The following QPCTL variants were observed in gnomAD, a reference collection of about 807,000 sequenced individuals.
QPCTL encodes glutaminyl-peptide cyclotransferase-like protein.
In QPCTL, 31 loss-of-function variants were observed where a neutral mutation model predicts 34.6. The observed-to-expected ratio is 0.90, with a 90% CI of 0.67 to 1.21. The LOEUF is 1.21. Among genes scored for constraint, QPCTL ranks in the 50% most tolerant of loss-of-function variants. The probability of loss-of-function intolerance (pLI) is 0.00; values close to 1 mark genes in which losing one functional copy is unlikely to be tolerated. For missense variants in QPCTL, 474 were observed against 507.8 expected (o/e 0.93, Z 0.64); for synonymous variants, 223 against 226.9 (o/e 0.98, Z 0.15).
intron 3 of QPCTL, among the ~76,000 whole-genome samples, chr19:45,696,024 G>A (rs1339497022): frequency 6.6e-6 from 1 of 151,928 alleles, no homozygotes; most frequent in African/African-American, 2.4e-5. Flanking sequence ...GTGAGCCACC[G>A]CGCCTGGTCA....
At chr19:45,696,722 G>C (rs964628236) in intron 3 of QPCTL, among the ~76,000 whole-genome samples, 2 of 151,072 alleles carry the variant, frequency 1.3e-5, no homozygotes, top group Non-Finnish European at 2.9e-5. Context: ...CTGGGTGACA[G>C]AGACCTTGTC....
Position 45,695,526 on chromosome 19 carries a change from C to G in QPCTL, c.441C>G (p.Asp147Glu). The G allele has an allele frequency of 1.2e-6, 2 of 1,614,144 alleles. No homozygotes were observed. Among genetic ancestry groups the G allele is most frequent in the Non-Finnish European group, 1.7e-6 (2 of 1,180,034 alleles). Residue 147 changes from aspartate (D) to glutamate (E), a missense_variant, in exon 3 of 7, where the codon GAC becomes GAG. Coordinates refer to ENST00000012049, the MANE Select transcript of QPCTL (RefSeq NM_017659.4). Reference protein sequence around the residue: ...FTASTPLGPVDFGNVVATLDP... With the variant: ...FTASTPLGPVEFGNVVATLDP... ...CCTCAACACCCCTGGGGCCAGTGGA[C>G]TTTGGCAATGTGGTGGCCACACTGG...
chr19:45,703,049 G>C lies in QPCTL; in HGVS notation c.1149G>C (p.Ter383TyrextTer28). 1 of 1,614,188 alleles carries C rather than the reference G, an allele frequency of 6.2e-7. No homozygotes were observed. The highest frequency in any genetic ancestry group is 8.5e-7 in the Non-Finnish European group (1 of 1,180,038). Residue 383 changes from the stop codon to tyrosine (Y), a stop_lost, in exon 7 of 7, where the codon TAG becomes TAC. Transcript: ENST00000012049. ...TCCTGGCTGAATACCTGGGGCTCTA[G>C]CGTGCTTGGCCAATGACTGTGGAGA... ...AVFLAEYLGL[*>Y]
At chr19:45,696,730 G>C (rs1967703033) in intron 3 of QPCTL, among the ~76,000 whole-genome samples, 2 of 149,768 alleles carry the variant, frequency 1.3e-5, no homozygotes, top group African/African-American at 2.5e-5. Flanking sequence ...CAGAGACCTT[G>C]TCTCTTAAAA....
intron 5 of QPCTL, among the ~76,000 whole-genome samples, chr19:45,700,122 T>A (rs1052219856): frequency 2.7e-5 from 4 of 147,946 alleles, no homozygotes; most frequent in Admixed American, 6.8e-5. Flanking sequence ...TAATAAAAAT[T>A]AAAATTAAAA....
At chr19:45,702,679 G>A (rs552896922) in intron 6 of QPCTL, among the ~76,000 whole-genome samples, 2 of 151,476 alleles carry the variant, frequency 1.3e-5, no homozygotes, top group Admixed American at 1.3e-4. Flanking sequence ...CGGTAGAATC[G>A]CTGGAACCTG....
At chr19:45,697,742 C>T (rs921033387) in intron 3 of QPCTL, among the ~76,000 whole-genome samples, 8 of 152,170 alleles carry the variant, frequency 5.3e-5, no homozygotes, top group Admixed American at 1.3e-4. Flanking sequence ...CCAGGTCATC[C>T]CCCAGCCTCC....
chr19:45,695,695 G>C lies in QPCTL; in HGVS notation c.610G>C (p.Glu204Gln). ...LLELAQALDL[E>Q]LSRAKKQAAP... Reference sequence around the variant, plus strand: ...GGAGCTGGCCCAAGCACTTGACCTGGAGCTGAGCAGGGCCAAAAAACAGGT... The same window carrying C: ...GGAGCTGGCCCAAGCACTTGACCTGCAGCTGAGCAGGGCCAAAAAACAGGT... The change falls in exon 3 of 7, where the codon GAG (glutamate) becomes CAG (glutamine). Residue 204 changes from glutamate to glutamine, a missense_variant. Coordinates refer to ENST00000012049, the MANE Select transcript of QPCTL (RefSeq NM_017659.4). 1 of 1,611,990 alleles carries C rather than the reference G, an allele frequency of 6.2e-7. No individual in the cohort carries two copies. The highest frequency in any genetic ancestry group is 1.1e-5 in the South Asian group (1 of 91,056).
rs941893351 is a variant in QPCTL, at chr19:45,701,973, G to A, written c.1003+59G>A. The A allele has an allele frequency of 2.1e-5, 29 of 1,397,882 alleles. 1 individual carries two copies. In the Middle Eastern group the frequency reaches 7.4e-4, roughly 35 times the overall value. 86.6% of individuals were successfully genotyped at this position (1,397,882 alleles called of 1,614,324 possible). On this transcript the variant is annotated intron_variant, in intron 6 of 6. Transcript: ENST00000012049. ...TCCAAGGAAGCCACAAATTGGAACT[G>A]GCCAAGTCCCCTTCCCAGGGCTGGG...
chr19:45,695,326 A>T (rs1031604603), intron 2 of QPCTL, 111 bp from the exon 3 acceptor site: 2 of 942,680 alleles, frequency 2.1e-6, no homozygotes, highest in Non-Finnish European at 3.2e-6. Flanking sequence ...ATTCAATCAG[A>T]GTGGGGCTTT....
chr19:45,703,043 G>A lies in QPCTL; in HGVS notation c.1143G>A (p.Gly381=), dbSNP rs1187867518. 1 of 1,614,070 alleles carries A rather than the reference G, an allele frequency of 6.2e-7. No homozygotes were observed. The highest frequency in any genetic ancestry group is 8.5e-7 in the Non-Finnish European group (1 of 1,180,040). The change falls in exon 7 of 7, where the codon GGG becomes GGA. Residue 381 remains glycine, a synonymous_variant. Transcript: ENST00000012049. ...ILAVFLAEYL[G]L is the part of the protein sequence containing the mutation. ...CTGTGTTCCTGGCTGAATACCTGGG[G>A]CTCTAGCGTGCTTGGCCAATGACTG...
chr19:45,695,363 C>T, intron 2 of QPCTL, 74 bp from the exon 3 acceptor site: 1 of 1,411,854 alleles, frequency 7.1e-7, no homozygotes, highest in Non-Finnish European at 9.8e-7. Flanking sequence ...CTCTGCATGG[C>T]TCAGGTCACG....
In QPCTL at chr19:45,693,421, G is replaced by C; in HGVS notation, c.216G>C (p.Leu72Phe). The C allele has an allele frequency of 6.2e-7, 1 of 1,611,084 alleles. No homozygotes were observed. Residue 72 changes from leucine to phenylalanine, a missense_variant, in exon 2 of 7, where the codon TTG becomes TTC. Physicochemically the swap from Leu to Phe is conservative, Grantham distance 22. Transcript: ENST00000012049. ...CCCACCTCCTTCCCAAGGTCCCATT[G>C]ATCGGAAGCCTCCCCGAAGCCCGGC... ...LPLGRELRVP[L>F]IGSLPEARLR...
intron 3 of QPCTL, among the ~76,000 whole-genome samples, chr19:45,697,591 A>T (rs1967724644): frequency 6.6e-6 from 1 of 151,896 alleles, no homozygotes; most frequent in Non-Finnish European, 1.5e-5. Context: ...AACCTCTGGG[A>T]CCCCTTCCCT....
At chr19:45,699,532 C>T (rs1444787962) in intron 5 of QPCTL, among the ~76,000 whole-genome samples, 3 of 151,840 alleles carry the variant, frequency 2.0e-5, no homozygotes, top group African/African-American at 7.3e-5. Context: ...GGCTTGGTGG[C>T]TCACACCTGT....
chr19:45,695,059 C>A lies in QPCTL; in HGVS notation c.352-378C>A, dbSNP rs117711718. 3.6e-3 allele frequency among the ~76,000 whole-genome samples: 541 copies of A among 152,080 alleles called. 2 individuals carry two copies. Among genetic ancestry groups the A allele is most frequent in the Non-Finnish European group, 6.2e-3 (423 of 67,990 alleles). The stretch of plus-strand genomic sequence containing the variant: ...CAACACTTTGGGATGCTGAAGCAGG[C>A]AGATCACTTGAGGTCAGGAGTTCGA... On this transcript the variant is annotated intron_variant, in intron 2 of 6. Transcript: ENST00000012049.
At chr19:45,700,957 CA>C (rs773396546) in intron 5 of QPCTL, among the ~76,000 whole-genome samples, 1,391 of 46,806 alleles carry the variant, frequency 0.03, 13 homozygotes, top group East Asian at 0.18. Flanking sequence ...GACTCTGTCT[CA>C]AAAAAAAAAA....
chr19:45,697,900 A>G (rs552840715), intron 3 of QPCTL, among the ~76,000 whole-genome samples: 1 of 152,166 alleles, frequency 6.6e-6, no homozygotes, highest in Non-Finnish European at 1.5e-5. Context: ...TTATTTAGTT[A>G]TATGCCAGGC....
intron 3 of QPCTL, 35 bp downstream of exon 3, chr19:45,695,753 C>T: frequency 6.5e-7 from 1 of 1,537,128 alleles, no homozygotes; most frequent in Non-Finnish European, 8.7e-7. Flanking sequence ...TAGTGGGCTA[C>T]CTCCACCTTT....
Sources: gnomAD v4.1 joint callset for allele counts (sites outside exome capture counted in the v4.1 genomes callset) on GRCh38, gnomAD v4.1.1 for gene constraint, MANE v1.5 for transcripts, NCBI Gene and HGNC (gene_info 2026-07-23, HGNC 2026-07-21) for gene names.